Variants in RBM18 observed in about 807,000 individuals in gnomAD.
The protein encoded by RBM18 is probable RNA-binding protein 18.
In RBM18, 18 loss-of-function variants were observed where a neutral mutation model predicts 26.4. That is an observed-to-expected ratio of 0.68 (90% CI 0.47 to 1.01). The LOEUF (loss-of-function observed/expected upper bound fraction) is 1.01. RBM18 is among the 50% of genes least tolerant of loss of function. The pLI, the probability that RBM18 is intolerant of heterozygous loss-of-function variation, is 0.00. For missense variants in RBM18, 180 were observed against 219.2 expected (o/e 0.82, Z 1.13); for synonymous variants, 74 against 81.1 (o/e 0.91, Z 0.47).
rs1469408088 is a variant in RBM18, at chr9:122,238,743, A to T, written c.*3141T>A. On this transcript the variant is annotated 3_prime_UTR_variant, in exon 6 of 6. Transcript: ENST00000417201. The stretch of plus-strand genomic sequence containing the variant: ...AAGAAGAGAATCACATTTTAAAATA[A>T]TTTTTTTAAAAATTGCTTTGGCTAC... The T allele has an allele frequency of 6.6e-6, 1 of 152,204 alleles. No individual in the cohort carries two copies. Among genetic ancestry groups the T allele is most frequent in the Non-Finnish European group, 1.5e-5 (1 of 68,034 alleles). The allele number at this position is 152,204 out of a possible 1,614,324, so 9.4% of individuals were successfully genotyped here.
At chr9:122,253,705 A>T (rs1588384085) in intron 2 of RBM18, among the ~76,000 whole-genome samples, 1 of 148,320 alleles carries the variant, frequency 6.7e-6, no homozygotes, top group African/African-American at 2.5e-5. Flanking sequence ...CAGAATGGGG[A>T]GTCAAACCTA....
chr9:122,242,402 T>G (rs1831435778), intron 5 of RBM18, among the ~76,000 whole-genome samples: 1 of 152,230 alleles, frequency 6.6e-6, no homozygotes, highest in Non-Finnish European at 1.5e-5. Context: ...ATAGGTTATA[T>G]TCCTTATTTT....
intron 2 of RBM18, among the ~76,000 whole-genome samples, chr9:122,258,908 C>CAAAAAAAAAAAAAAA (rs11453707): frequency 9.1e-6 from 1 of 109,408 alleles, no homozygotes; most frequent in Non-Finnish European, 1.8e-5. Flanking sequence ...ACAGAGCTGT[C>CAAAAAAAAAAAAAAA]AAAAAAAAAA....
rs948256245 is a variant in RBM18, at chr9:122,238,266, G to A, written c.*3618C>T. 1 of 152,206 alleles carries A rather than the reference G, an allele frequency of 6.6e-6. No homozygotes were observed. Among genetic ancestry groups the A allele is most frequent in the African/African-American group, 2.4e-5 (1 of 41,440 alleles). The allele number at this position is 152,206 out of a possible 1,614,324, so 9.4% of individuals were successfully genotyped here. ...GTACAGCCATTGTTTTAAATGCTGA[G>A]GGTATAGCAGTGATATACAGTTCCT... On this transcript the variant is annotated 3_prime_UTR_variant, in exon 6 of 6. Transcript: ENST00000417201.
Position 122,238,631 on chromosome 9 carries a change from G to C in RBM18, c.*3253C>G, listed in dbSNP as rs951901292. ...ACACCGCACAAGGGGAGAACAGTAG[G>C]CTATAGGGTCAGACACGTAGTGAAG... On this transcript the variant is annotated 3_prime_UTR_variant, in exon 6 of 6. Transcript: ENST00000417201. The C allele has an allele frequency of 3.3e-5, 5 of 152,228 alleles. No homozygotes were observed. The highest frequency in any genetic ancestry group is 1.2e-4 in the African/African-American group (5 of 41,458). The allele number at this position is 152,228 out of a possible 1,614,324, so 9.4% of individuals were successfully genotyped here.
intron 2 of RBM18, among the ~76,000 whole-genome samples, chr9:122,256,272 C>T (rs1280632842): frequency 6.6e-6 from 1 of 152,224 alleles, no homozygotes; most frequent in East Asian, 1.9e-4. Flanking sequence ...TCATTTTCTA[C>T]TTAACACATA....
In RBM18 at chr9:122,241,909, C is replaced by G. The variant is rs779955411; in HGVS notation, c.548G>C (p.Arg183Thr). The change falls in exon 6 of 6, where the codon AGA (arginine) becomes ACA (threonine). Residue 183 changes from arginine to threonine, a missense_variant. Around this residue, in one of 3 missense-constraint regions of RBM18, gnomAD observed 103 missense variants for 102.8 expected, o/e 1.00. Transcript: ENST00000417201. ...PDKKRTTPYSRTAWKSRR is the reference protein window; with the variant it reads ...PDKKRTTPYSTTAWKSRR ...TCATCTTCGAGATTTCCATGCTGTT[C>G]TAGAATATGGAGTAGTCCTTTTTTT... is the stretch of plus-strand genomic sequence containing the variant. The G allele has an allele frequency of 1.9e-6, 3 of 1,613,930 alleles. No homozygotes were observed. The highest frequency in any genetic ancestry group is 2.5e-6 in the Non-Finnish European group (3 of 1,179,936).
rs954845963 is a variant in RBM18 at position 122,241,417 on chromosome 9, A to G, written c.*467T>C. ...GGATTGCCGTAGTAAATTCTGGAAC[A>G]ACAGTTCTGAACATGATTTAAAATC... On this transcript the variant is annotated 3_prime_UTR_variant, in exon 6 of 6. Coordinates refer to ENST00000417201, the MANE Select transcript of RBM18 (RefSeq NM_033117.4). 2 of 152,918 alleles carry G rather than the reference A, an allele frequency of 1.3e-5. No homozygotes were observed. Among genetic ancestry groups the G allele is most frequent in the African/African-American group, 4.8e-5 (2 of 41,466 alleles). 9.5% of individuals were successfully genotyped at this position (152,918 alleles called of 1,614,324 possible). A position where few individuals can be genotyped will look rare whatever the true frequency, so the allele number is the denominator to read the frequency against.
intron 5 of RBM18, among the ~76,000 whole-genome samples, chr9:122,243,232 TA>T (rs1261302191): frequency 1.3e-5 from 2 of 152,098 alleles, no homozygotes; most frequent in African/African-American, 4.8e-5. Context: ...TCAGCCTCCC[TA>T]AATGCTGGGA....
Position 122,261,405 on chromosome 9 carries a change from C to T in RBM18, c.88G>A (p.Gly30Ser). ...TCGGTAATTTTGGGGTCCAGGTTGC[C>T]AATCCATAATCGGTGTCCTTCCTGC... ...SLQEGHRLWI[G>S]NLDPKITEYH... The change falls in exon 2 of 6, where the codon GGC becomes AGC. Residue 30 changes from glycine (G) to serine (S), a missense_variant. By Grantham distance (56) the Gly-to-Ser change is moderately conservative. Coordinates refer to ENST00000417201, the MANE Select transcript of RBM18 (RefSeq NM_033117.4). 1 of 1,613,898 alleles carries T rather than the reference C, an allele frequency of 6.2e-7. No homozygotes were observed. The highest frequency in any genetic ancestry group is 1.3e-5 in the African/African-American group (1 of 75,020).
chr9:122,261,545 A>G, intron 1 of RBM18, 37 bp from the exon 2 acceptor site: 1 of 1,292,672 alleles, frequency 7.7e-7, no homozygotes, highest in Non-Finnish European at 1.1e-6. Context: ...GGAGGGGAGT[A>G]ACAATGTGTG....
At position 122,247,617 on chromosome 9, in the gene RBM18, G is replaced by C; in HGVS notation, c.241-13C>G. 1 of 1,609,788 alleles carries C rather than the reference G, an allele frequency of 6.2e-7. No individual in the cohort carries two copies. Among genetic ancestry groups the C allele is most frequent in the Non-Finnish European group, 8.5e-7 (1 of 1,176,476 alleles). ...CTTGCTCTGCTTCCTGTCCAGGAAA[G>C]GGACAAATGTTAGTTAAAAACTGAA... On this transcript the variant is annotated splice_polypyrimidine_tract_variant and intron_variant, in intron 3 of 5. Transcript: ENST00000417201.
chr9:122,254,697 AC>A (rs1831661321), intron 2 of RBM18, among the ~76,000 whole-genome samples: 1 of 152,264 alleles, frequency 6.6e-6, no homozygotes, highest in Non-Finnish European at 1.5e-5. Context: ...TAAAATAGAT[AC>A]CTACAATGTG....
At chr9:122,246,872 T>TA (rs1342591093) in intron 4 of RBM18, among the ~76,000 whole-genome samples, 2 of 152,142 alleles carry the variant, frequency 1.3e-5, no homozygotes, top group Non-Finnish European at 2.9e-5. Flanking sequence ...CAACACACTT[T>TA]ACCACCTCTG....
intron 2 of RBM18, 151 bp downstream of exon 2, chr9:122,261,229 A>C (rs534856731): frequency 9.6e-6 from 6 of 623,458 alleles, no homozygotes; most frequent in East Asian, 8.2e-5. Flanking sequence ...AAGTGACAAG[A>C]TAACAGGCTA....
chr9:122,244,839 A>G (rs1831478694), intron 5 of RBM18, among the ~76,000 whole-genome samples: 2 of 152,250 alleles, frequency 1.3e-5, no homozygotes, highest in Admixed American at 1.3e-4. Flanking sequence ...GGCTGTTGCA[A>G]TGGTACATAG....
At chr9:122,258,928 A>G (rs1252534724) in intron 2 of RBM18, among the ~76,000 whole-genome samples, 1 of 123,778 alleles carries the variant, frequency 8.1e-6, no homozygotes, top group Non-Finnish European at 1.8e-5. Flanking sequence ...AAAAAAAAAG[A>G]AGAAGAAGAA....
chr9:122,245,255 C>T lies in RBM18; in HGVS notation c.413+1G>A. 1 of 1,567,382 alleles carries T rather than the reference C, an allele frequency of 6.4e-7. No homozygotes were observed. The highest frequency in any genetic ancestry group is 1.1e-5 in the South Asian group (1 of 89,880). On this transcript the variant is annotated splice_donor_variant, in intron 5 of 5. Transcript: ENST00000417201. LOFTEE classifies it high-confidence loss of function. ...TGTCTTTCTATAGTACATCATCTTA[C>T]CTTAGGTTAGACTGAGTAGGCTCAG...
In RBM18 at chr9:122,264,164, A is replaced by C. The variant is rs533522195; in HGVS notation, c.-17+551T>G. Among the ~76,000 whole-genome samples, 24 of 152,334 alleles carry C rather than the reference A, an allele frequency of 1.6e-4. No individual in the cohort carries two copies. The East Asian group carries it at 4.2e-3, about 27-fold the overall frequency. On this transcript the variant is annotated intron_variant, in intron 1 of 5. Coordinates refer to ENST00000417201, the MANE Select transcript of RBM18 (RefSeq NM_033117.4). ...GTGCTTAATATTTACTAAATGAAGC[A>C]AGCCGCTTCTCCACTCGAAGACTTA...
Sources: gnomAD v4.1 joint callset for allele counts (sites outside exome capture counted in the v4.1 genomes callset) on GRCh38, gnomAD v4.1.1 for gene constraint, gnomAD v4.1.1 regional missense constraint, MANE v1.5 for transcripts, NCBI Gene and HGNC (gene_info 2026-07-23, HGNC 2026-07-21) for gene names.